The following ZFP1 variants were observed in gnomAD, a reference collection of about 807,000 sequenced individuals.
ZFP1 encodes zinc finger protein 1 homolog.
Under a neutral mutation model 38.5 loss-of-function variants are expected in ZFP1, and 32 were observed. The observed-to-expected ratio is 0.83, with a 90% confidence interval of 0.63 to 1.12. The LOEUF (loss-of-function observed/expected upper bound fraction) is 1.12, where lower values mean the gene tolerates loss of function less well. Among genes scored for constraint, ZFP1 ranks in the 50% most tolerant of loss-of-function variants. The pLI is 0.00. For missense variants in ZFP1, 616 were observed against 480.8 expected, an observed-to-expected ratio of 1.28 and a Z score of -2.63; for synonymous variants, 245 against 168.8, an observed-to-expected ratio of 1.45 and a Z score of -3.50.
Position 75,169,641 on chromosome 16 carries a change from A to G in ZFP1, c.531A>G (p.Ile177Met). 6.3e-7 allele frequency: 1 copy of G among 1,594,142 alleles called. No homozygotes were observed. Among genetic ancestry groups the G allele is most frequent in the Non-Finnish European group, 8.5e-7 (1 of 1,174,586 alleles). ...CAGCCATTTTTAAACATCAGAAAATAAAAAACTTGGTTCAACCTTTCATTT... is the reference window on the plus strand; with the variant it reads ...CAGCCATTTTTAAACATCAGAAAATGAAAAACTTGGTTCAACCTTTCATTT... ...HKAAIFKHQK[I>M]KNLVQPFICT... is the part of the protein sequence containing the mutation. The change falls in exon 4 of 4, where the codon ATA (isoleucine) becomes ATG (methionine). Residue 177 changes from isoleucine to methionine, a missense_variant. Ile to Met is a conservative substitution (Grantham distance 10). Coordinates refer to ENST00000570010, the MANE Select transcript of ZFP1 (RefSeq NM_153688.4).
the ZFP1 span, among the ~76,000 whole-genome samples, chr16:75,142,360 C>T: frequency 8.5e-5 from 12 of 140,624 alleles, no homozygotes; most frequent in Admixed American, 2.8e-4. Flanking sequence ...AGCAAGACTT[C>T]CTAAAAAAAA....
At chr16:75,159,361 T>TCCC in intron 2 of ZFP1, among the ~76,000 whole-genome samples, 1 of 27,964 alleles carries the variant, frequency 3.6e-5, no homozygotes, top group Admixed American at 4.0e-4. Context: ...CTTCTTTCCT[T>TCCC]TCCCTCCCTC....
chr16:75,141,422 G>A, the ZFP1 span, among the ~76,000 whole-genome samples: 55 of 151,608 alleles, frequency 3.6e-4, no homozygotes, highest in African/African-American at 1.3e-3. Flanking sequence ...AGCCAGGATG[G>A]TCTCGATCTC....
At chr16:75,164,532 G>C (rs144996955) in intron 2 of ZFP1, among the ~76,000 whole-genome samples, 2,168 of 152,188 alleles carry the variant, frequency 0.014, 28 homozygotes, top group Middle Eastern at 0.027. Context: ...ACATCCAACT[G>C]ATTCTTGCTG....
intron 2 of ZFP1, among the ~76,000 whole-genome samples, chr16:75,165,712 CTGAG>C (rs894184169): frequency 3.3e-5 from 5 of 151,804 alleles, no homozygotes; most frequent in African/African-American, 4.8e-5. Flanking sequence ...TTGTTATATG[CTGAG>C]TATTTTTTTT....
chr16:75,121,682 G>A, the ZFP1 span, among the ~76,000 whole-genome samples: 1 of 152,050 alleles, frequency 6.6e-6, no homozygotes. Context: ...TATGTGTTGT[G>A]TACACAATGC....
At chr16:75,125,265 A>C in the ZFP1 span, among the ~76,000 whole-genome samples, 1 of 152,048 alleles carries the variant, frequency 6.6e-6, no homozygotes, top group Non-Finnish European at 1.5e-5. Flanking sequence ...TCTCGAAAAA[A>C]ATTTTTTTTT....
intron 2 of ZFP1, among the ~76,000 whole-genome samples, chr16:75,158,590 G>A (rs1193749030): frequency 1.3e-5 from 2 of 150,768 alleles, no homozygotes; most frequent in Non-Finnish European, 2.9e-5. Flanking sequence ...ACCATGCCTG[G>A]CCTATTTCTG....
intron 2 of ZFP1, 187 bp from the exon 3 acceptor site, chr16:75,166,583 A>G (rs1004741307): frequency 2.0e-6 from 2 of 985,214 alleles, no homozygotes; most frequent in African/African-American, 3.5e-5. Context: ...CCAGAGATAT[A>G]GGGGAATCTG....
At chr16:75,130,877 T>C in the ZFP1 span, among the ~76,000 whole-genome samples, 266 of 152,122 alleles carry the variant, frequency 1.7e-3, 1 homozygote, top group African/African-American at 5.9e-3. Context: ...CCTAAAACGC[T>C]TCAGTGGCTT....
chr16:75,149,557 CTTTT>C (rs34371791), intron 1 of ZFP1, among the ~76,000 whole-genome samples: 2 of 101,762 alleles, frequency 2.0e-5, no homozygotes, highest in Non-Finnish European at 3.7e-5. Context: ...TCTTTACTTT[CTTTT>C]TTTTTTTTTT....
chr16:75,122,472 A>T, the ZFP1 span, among the ~76,000 whole-genome samples: 1 of 152,212 alleles, frequency 6.6e-6, no homozygotes, highest in Non-Finnish European at 1.5e-5. Flanking sequence ...TTGTTTACTG[A>T]AACTAGAAGC....
intron 2 of ZFP1, among the ~76,000 whole-genome samples, chr16:75,155,090 C>T (rs1421792258): frequency 6.6e-6 from 1 of 152,126 alleles, no homozygotes; most frequent in African/African-American, 2.4e-5. Context: ...AGTCACTGTG[C>T]CTGGTTATGG....
At chr16:75,165,698 A>G (rs767086465) in intron 2 of ZFP1, among the ~76,000 whole-genome samples, 17 of 151,458 alleles carry the variant, frequency 1.1e-4, no homozygotes, top group Non-Finnish European at 1.9e-4. Flanking sequence ...GTTTTAAATC[A>G]GTTTTGTTAT....
the ZFP1 span, among the ~76,000 whole-genome samples, chr16:75,134,613 G>A: frequency 4.6e-5 from 7 of 151,872 alleles, no homozygotes; most frequent in South Asian, 2.1e-4. Flanking sequence ...TTAGCCAGGC[G>A]TGGTGGCGGG....
At position 75,170,139 on chromosome 16, in the gene ZFP1, G is replaced by C; in HGVS notation, c.1029G>C (p.Met343Ile). Residue 343 changes from methionine (M) to isoleucine (I), a missense_variant, in exon 4 of 4, where the codon ATG (methionine) becomes ATC (isoleucine). Physicochemically the swap from Met to Ile is conservative, Grantham distance 10. Coordinates refer to ENST00000570010, the MANE Select transcript of ZFP1 (RefSeq NM_153688.4). ...AGAACTCACAGCTCATCATACACAT[G>C]AGAACTCATACAGGAGAGAAACCCT... ...FIQNSQLIIH[M>I]RTHTGEKPYE... 3.7e-6 allele frequency: 6 copies of C among 1,614,070 alleles called. No homozygotes were observed. Among genetic ancestry groups the C allele is most frequent in the Non-Finnish European group, 5.1e-6 (6 of 1,179,972 alleles).
At chr16:75,160,610 G>C (rs947339836) in intron 2 of ZFP1, among the ~76,000 whole-genome samples, 2 of 142,964 alleles carry the variant, frequency 1.4e-5, no homozygotes, top group Non-Finnish European at 3.0e-5. Context: ...AGTGAGCTGA[G>C]ATCATGCCAC....
In ZFP1 at chr16:75,170,777, G is replaced by A. The variant is rs1199136841; in HGVS notation, c.*443G>A. On this transcript the variant is annotated 3_prime_UTR_variant, in exon 4 of 4. Transcript: ENST00000570010. ...CTCTGTGATAATTAGGACATAACAA[G>A]ATTTTCCATACTAAACATCACATGT... The A allele has an allele frequency of 6.4e-6, 1 of 156,166 alleles. No individual in the cohort carries two copies. Among genetic ancestry groups the A allele is most frequent in the Non-Finnish European group, 1.4e-5 (1 of 70,672 alleles). The allele number at this position is 156,166 out of a possible 1,614,324, so 9.7% of individuals were successfully genotyped here.
chr16:75,121,963 T>C, the ZFP1 span, among the ~76,000 whole-genome samples: 1,817 of 152,336 alleles, frequency 0.012, 18 homozygotes, highest in South Asian at 0.032. Flanking sequence ...GGTGTCAAAA[T>C]TTCTCATAGG....
Sources: gnomAD v4.1 joint callset for allele counts (sites outside exome capture counted in the v4.1 genomes callset) on GRCh38, gnomAD v4.1.1 for gene constraint, MANE v1.5 for transcripts, NCBI Gene and HGNC (gene_info 2026-07-23, HGNC 2026-07-21) for gene names.